The following LARP4B variants were observed in gnomAD, a reference collection of about 807,000 sequenced individuals.
LARP4B encodes the protein la-related protein 4B.
Under a neutral mutation model 89.8 loss-of-function variants are expected in LARP4B, and 12 were observed. The observed-to-expected ratio is 0.13, with a 90% CI of 0.09 to 0.22. LARP4B has a LOEUF of 0.22. Among genes scored for constraint, LARP4B ranks in the 10% least tolerant of loss-of-function variants. The pLI, the probability that LARP4B is intolerant of heterozygous loss-of-function variation, is 1.00. For missense variants in LARP4B, 757 were observed against 947.7 expected (o/e 0.80, Z 2.64); for synonymous variants, 367 against 363.3 (o/e 1.01, Z -0.12).
chr10:827,849 T>C (rs182091733), intron 11 of LARP4B, among the ~76,000 whole-genome samples: 3 of 152,292 alleles, frequency 2.0e-5, no homozygotes, highest in East Asian at 3.9e-4. Flanking sequence ...GAAAACGAAG[T>C]ATTCAGCTAT....
intron 8 of LARP4B, among the ~76,000 whole-genome samples, chr10:835,426 G>A (rs1171225214): frequency 6.6e-6 from 1 of 152,212 alleles, no homozygotes; most frequent in African/African-American, 2.4e-5. Context: ...TCATGTGAGA[G>A]ATGAGACCAA....
upstream of LARP4B, among the ~76,000 whole-genome samples, chr10:934,893 C>T (rs1830727541): frequency 6.6e-6 from 1 of 152,304 alleles, no homozygotes; most frequent in South Asian, 2.1e-4. Context: ...CGGTTGGTCT[C>T]TGCTACAGTC....
chr10:889,895 T>G (rs879530339), intron 1 of LARP4B, among the ~76,000 whole-genome samples: 22 of 152,234 alleles, frequency 1.4e-4, no homozygotes, highest in Non-Finnish European at 3.2e-4. Context: ...TGAGCCGAGA[T>G]CGCCCCTAAA....
chr10:838,835 T>A (rs1275473544), intron 7 of LARP4B, among the ~76,000 whole-genome samples: 1 of 152,236 alleles, frequency 6.6e-6, no homozygotes, highest in Admixed American at 6.5e-5. Flanking sequence ...ACTTTACTCA[T>A]AACTGCCAAA....
At chr10:932,827 C>G (rs1402974659), upstream of LARP4B, among the ~76,000 whole-genome samples, 1 of 151,056 alleles carries the variant, frequency 6.6e-6, no homozygotes, top group Non-Finnish European at 1.5e-5. Flanking sequence ...GCCCCACACC[C>G]CTAACCAAGG....
At chr10:945,540 T>C in the LARP4B span, among the ~76,000 whole-genome samples, 1 of 148,972 alleles carries the variant, frequency 6.7e-6, no homozygotes, top group African/African-American at 2.5e-5. Flanking sequence ...CAAAAAAAAT[T>C]AGCCGGGCAT....
chr10:917,824 T>C (rs977150184), intron 1 of LARP4B, among the ~76,000 whole-genome samples: 2 of 152,250 alleles, frequency 1.3e-5, no homozygotes, highest in Non-Finnish European at 2.9e-5. Flanking sequence ...ATTATTCTTG[T>C]TGCATTTTAT....
At chr10:947,591 C>T in the LARP4B span, among the ~76,000 whole-genome samples, 1 of 152,254 alleles carries the variant, frequency 6.6e-6, no homozygotes, top group East Asian at 1.9e-4. Flanking sequence ...TAAAAACTCC[C>T]AAATCATGAC....
At chr10:840,017 G>A in intron 7 of LARP4B, among the ~76,000 whole-genome samples, 1 of 151,848 alleles carries the variant, frequency 6.6e-6, no homozygotes, top group East Asian at 1.9e-4. Flanking sequence ...CCAAAAGAAA[G>A]TGATATTGCA....
In LARP4B at chr10:811,510, G is replaced by A. The variant is rs958295637; in HGVS notation, c.*1416C>T. 4 of 152,654 alleles carry A rather than the reference G, an allele frequency of 2.6e-5. No individual in the cohort carries two copies. The highest frequency in any genetic ancestry group is 7.2e-5 in the African/African-American group (3 of 41,546). 9.5% of individuals were successfully genotyped at this position (152,654 alleles called of 1,614,324 possible). The stretch of plus-strand genomic sequence containing the variant: ...AGTATGCTTACTCAGTAAAACTAGC[G>A]ACAGGAGATCCACGCAGTAACTGAG... On this transcript the variant is annotated 3_prime_UTR_variant, in exon 18 of 18. Coordinates refer to ENST00000316157, the MANE Select transcript of LARP4B (RefSeq NM_015155.3).
Position 814,794 on chromosome 10 carries a change from GA to G in LARP4B, c.1876del (p.Ser626ProfsTer13). ...RETHSVDRLP[S>X]ALTATACKSV... ...TTTACACGCGGTCGCAGTGAGGGCG[GA>G]AGGAAGTCTGTCCACACTGTGGGTT... On this transcript the variant is annotated frameshift_variant, in exon 17 of 18. Transcript: ENST00000316157. LOFTEE classifies it high-confidence loss of function. This position sits in a 1 kb window ranked among gnomAD's most constrained non-coding sequence, Gnocchi z 4.4. The G allele has an allele frequency of 6.2e-7, 1 of 1,605,308 alleles. No individual in the cohort carries two copies. Among genetic ancestry groups the G allele is most frequent in the Non-Finnish European group, 8.5e-7 (1 of 1,174,162 alleles).
At chr10:960,368 C>G in the LARP4B span, among the ~76,000 whole-genome samples, 6 of 151,978 alleles carry the variant, frequency 3.9e-5, no homozygotes. Context: ...GCAAGACTGA[C>G]CCCCAGTGTA....
chr10:890,157 T>C (rs1208371110), intron 1 of LARP4B, among the ~76,000 whole-genome samples: 1 of 152,216 alleles, frequency 6.6e-6, no homozygotes, highest in Non-Finnish European at 1.5e-5. Context: ...ATTTTTGTCT[T>C]ACTAGGTAGC....
At chr10:876,916 G>C (rs1835477573) in intron 3 of LARP4B, among the ~76,000 whole-genome samples, 1 of 152,140 alleles carries the variant, frequency 6.6e-6, no homozygotes, top group Non-Finnish European at 1.5e-5. Flanking sequence ...CTTCTTGCCT[G>C]AAAAATCAGC....
At chr10:842,221 T>C (rs932174544) in intron 7 of LARP4B, among the ~76,000 whole-genome samples, 12 of 151,878 alleles carry the variant, frequency 7.9e-5, no homozygotes, top group African/African-American at 2.9e-4. Flanking sequence ...TTTTATGAGA[T>C]GGAGTCTATC....
intron 1 of LARP4B, among the ~76,000 whole-genome samples, chr10:888,366 A>G (rs1345768963): frequency 6.6e-6 from 1 of 151,916 alleles, no homozygotes; most frequent in Non-Finnish European, 1.5e-5. Context: ...ACACACACAC[A>G]AACAAAAACC....
rs138680451 is a variant in LARP4B at position 843,120 on chromosome 10, T to C, written c.510-52A>G. 3.4e-4 allele frequency: 519 copies of C among 1,521,120 alleles called. 3 individuals carry two copies. In the African/African-American group the frequency reaches 5.5e-3, roughly 16 times the overall value. The allele number at this position is 1,521,120 out of a possible 1,614,324, so 94.2% of individuals were successfully genotyped here. ...ATCAGTATTTCTTTAAAAGGAAGTT[T>C]CACCTACTGTAATTCCAGTTTCACA... On this transcript the variant is annotated intron_variant, in intron 6 of 17. Coordinates refer to ENST00000316157, the MANE Select transcript of LARP4B (RefSeq NM_015155.3).
At position 915,738 on chromosome 10, in the gene LARP4B, CAGG is replaced by C. The variant is rs1300474467; in HGVS notation, c.-40+15687_-40+15689del. On this transcript the variant is annotated intron_variant, in intron 1 of 17. Coordinates refer to ENST00000316157, the MANE Select transcript of LARP4B (RefSeq NM_015155.3). ...AGAATAGCGACTCAGGAGGCTGAGG[CAGG>C]AGAATGGCGTGAACCCAGGAGGCGG... is the stretch of plus-strand genomic sequence containing the variant. 5.4e-5 allele frequency among the ~76,000 whole-genome samples: 8 copies of C among 148,014 alleles called. No individual in the cohort carries two copies. In the East Asian group the frequency reaches 1.6e-3, roughly 29 times the overall value.
intron 5 of LARP4B, among the ~76,000 whole-genome samples, 154 bp downstream of exon 5, chr10:863,589 A>G (rs1363171867): frequency 6.6e-6 from 1 of 152,058 alleles, no homozygotes; most frequent in East Asian, 1.9e-4. Flanking sequence ...AGGGCCTCTC[A>G]TCTTCTCTGC....
Sources: allele counts gnomAD v4.1 joint callset (sites outside exome capture counted in the v4.1 genomes callset), GRCh38; gene constraint gnomAD v4.1.1; non-coding constraint Gnocchi (gnomAD v3.1); transcripts MANE v1.5; gene names NCBI Gene and HGNC (gene_info 2026-07-23, HGNC 2026-07-21).